The following RIMS1 variants were observed in gnomAD, a reference collection of about 807,000 sequenced individuals.
The protein encoded by RIMS1 is regulating synaptic membrane exocytosis 1, also known as regulating synaptic membrane exocytosis protein 1.
In RIMS1, 83 loss-of-function variants were observed where a neutral mutation model predicts 214.1. The ratio of observed to expected loss-of-function variants is 0.39; its 90% CI spans 0.32 to 0.47. The LOEUF is 0.47. Ranked by LOEUF, RIMS1 falls within the 20% of genes least tolerant of loss-of-function variation. The pLI is 0.99. For missense variants in RIMS1, 2,050 were observed against 2,161.8 expected (o/e 0.95, Z 1.03); for synonymous variants, 793 against 786.8 (o/e 1.01, Z -0.13).
chr6:72,364,792 T>A lies in RIMS1; in HGVS notation c.4367-25806T>A, dbSNP rs150267580. 1.2e-3 allele frequency among the ~76,000 whole-genome samples: 187 copies of A among 152,340 alleles called. 1 individual carries two copies. The highest frequency in any genetic ancestry group is 2.2e-3 in the Non-Finnish European group (152 of 68,026). ...GCAATTGGGGTTCTATGGGAGACTA[T>A]GAGAAGTGTTTCCTCTGAGCGTGAG... On this transcript the variant is annotated intron_variant, in intron 29 of 33. Coordinates refer to ENST00000521978, the MANE Select transcript of RIMS1 (RefSeq NM_014989.7).
intron 26 of RIMS1, among the ~76,000 whole-genome samples, chr6:72,294,206 A>T (rs547604197): frequency 1.3e-5 from 2 of 151,896 alleles, no homozygotes; most frequent in South Asian, 2.1e-4. Context: ...AAATATGTTT[A>T]AAAAAGTAAA....
intron 1 of RIMS1, among the ~76,000 whole-genome samples, chr6:71,891,405 A>C (rs1199006546): frequency 1.3e-5 from 2 of 152,212 alleles, no homozygotes; most frequent in Non-Finnish European, 2.9e-5. Context: ...TTTGCTTTCT[A>C]ATCATCCATA....
intron 4 of RIMS1, among the ~76,000 whole-genome samples, chr6:72,153,545 A>G (rs2044020697): frequency 1.3e-5 from 2 of 152,160 alleles, no homozygotes; most frequent in Admixed American, 1.3e-4. Context: ...AAAATACTGA[A>G]GTAAATAATC....
intron 4 of RIMS1, among the ~76,000 whole-genome samples, chr6:72,167,972 TTTGG>T (rs2046499892): frequency 1.3e-5 from 2 of 152,246 alleles, no homozygotes; most frequent in South Asian, 4.1e-4. Flanking sequence ...TTATGTGATT[TTTGG>T]CAATTTAAAA....
chr6:72,084,509 A>G (rs950740764), intron 2 of RIMS1, among the ~76,000 whole-genome samples: 2 of 152,156 alleles, frequency 1.3e-5, no homozygotes, highest in Non-Finnish European at 2.9e-5. Context: ...ATATTGTTCC[A>G]TAATCTAGAA....
At chr6:72,242,175 T>G in intron 9 of RIMS1, 139 bp from the exon 10 acceptor site, 1 of 641,932 alleles carries the variant, frequency 1.6e-6, no homozygotes, top group South Asian at 2.3e-5. Context: ...TATATGGCAA[T>G]CAATTTGCTT....
At chr6:72,392,614 T>C (rs2098718438) in intron 30 of RIMS1, 84 bp from the exon 31 acceptor site, 1 of 920,582 alleles carries the variant, frequency 1.1e-6, no homozygotes, top group African/African-American at 1.6e-5. Flanking sequence ...TTCATGATCA[T>C]AATTAGTCAA....
At chr6:71,929,824 G>T (rs905632037) in intron 1 of RIMS1, among the ~76,000 whole-genome samples, 1 of 151,946 alleles carries the variant, frequency 6.6e-6, no homozygotes, top group Non-Finnish European at 1.5e-5. Context: ...GAAAGAATAA[G>T]AATGATTCTA....
At chr6:72,283,662 T>C (rs1270943455) in intron 23 of RIMS1, among the ~76,000 whole-genome samples, 2 of 152,130 alleles carry the variant, frequency 1.3e-5, no homozygotes, top group Non-Finnish European at 2.9e-5. Context: ...TTTGAAGCCT[T>C]TCAGCACCTA....
intron 29 of RIMS1, among the ~76,000 whole-genome samples, chr6:72,354,397 TG>T (rs1296453028): frequency 6.6e-6 from 1 of 152,196 alleles, no homozygotes; most frequent in African/African-American, 2.4e-5. Context: ...TTTTAATTTT[TG>T]TATGTACATA....
intron 2 of RIMS1, among the ~76,000 whole-genome samples, chr6:72,064,598 C>G (rs574925927): frequency 2.0e-5 from 3 of 152,206 alleles, no homozygotes; most frequent in African/African-American, 7.2e-5. Context: ...TCCAGCACAG[C>G]TGGGTGCGTC....
At chr6:72,053,579 T>C (rs1441373987) in intron 2 of RIMS1, among the ~76,000 whole-genome samples, 1 of 152,126 alleles carries the variant, frequency 6.6e-6, no homozygotes, top group East Asian at 1.9e-4. Context: ...ATTCATGGAC[T>C]ATACACATAA....
chr6:72,074,238 A>G (rs1211738467), intron 2 of RIMS1, among the ~76,000 whole-genome samples: 2 of 152,198 alleles, frequency 1.3e-5, no homozygotes, highest in African/African-American at 4.8e-5. Context: ...GATACCCACA[A>G]AGCAACATTC....
At chr6:72,166,648 G>A (rs1323216995) in intron 4 of RIMS1, among the ~76,000 whole-genome samples, 6 of 151,788 alleles carry the variant, frequency 4.0e-5, no homozygotes, top group Admixed American at 6.6e-5. Flanking sequence ...GTCCAAGGTG[G>A]GAGGATCACT....
chr6:72,277,398 A>G (rs1591647830), intron 23 of RIMS1, among the ~76,000 whole-genome samples: 2 of 152,032 alleles, frequency 1.3e-5, no homozygotes, highest in East Asian at 1.9e-4. Context: ...TGGCTAACAC[A>G]GTGAAACCCC....
rs548371344 is a variant in RIMS1 at position 72,316,334 on chromosome 6, G to A, written c.4130+2662G>A. Among the ~76,000 whole-genome samples, 58 of 152,298 alleles carry A rather than the reference G, an allele frequency of 3.8e-4. 1 individual carries two copies. Among genetic ancestry groups the A allele is most frequent in the African/African-American group, 1.3e-3 (56 of 41,566 alleles). On this transcript the variant is annotated intron_variant, in intron 28 of 33. Coordinates refer to ENST00000521978, the MANE Select transcript of RIMS1 (RefSeq NM_014989.7). The stretch of plus-strand genomic sequence containing the variant: ...TGGTGGACAGAGAAGAGGAGACAAG[G>A]AAGGGCTATTCCAGGCTCAGCCCTG...
At chr6:72,353,039 G>A (rs1013584962) in intron 29 of RIMS1, among the ~76,000 whole-genome samples, 1 of 129,814 alleles carries the variant, frequency 7.7e-6, no homozygotes, top group African/African-American at 2.9e-5. Context: ...TGCCCAGGCT[G>A]GAGTGCAATG....
chr6:72,193,965 T>C (rs1588897095), intron 6 of RIMS1, among the ~76,000 whole-genome samples: 2 of 152,166 alleles, frequency 1.3e-5, no homozygotes, highest in Admixed American at 1.3e-4. Context: ...GTTTTCTTGA[T>C]ATTTAGTTTA....
chr6:72,331,871 T>G (rs1481235701), intron 28 of RIMS1, among the ~76,000 whole-genome samples: 1 of 151,786 alleles, frequency 6.6e-6, no homozygotes, highest in Non-Finnish European at 1.5e-5. Context: ...TGTGGACAAG[T>G]TCAAGTAATG....
Sources: gnomAD v4.1 joint callset for allele counts (sites outside exome capture counted in the v4.1 genomes callset) on GRCh38, gnomAD v4.1.1 for gene constraint, MANE v1.5 for transcripts, NCBI Gene and HGNC (gene_info 2026-07-23, HGNC 2026-07-21) for gene names.